Variants in POC1B observed in about 807,000 individuals in gnomAD.
POC1B encodes POC1 centriolar protein B.
POC1B carries 44 observed loss-of-function variants against 60.6 expected under a neutral mutation model. The ratio of observed to expected loss-of-function variants is 0.73; its 90% CI spans 0.57 to 0.93. The LOEUF is 0.93. POC1B is among the 40% of genes least tolerant of loss of function. The pLI, the probability that POC1B is intolerant of heterozygous loss-of-function variation, is 0.00. For synonymous variants in POC1B, 180 were observed against 198.9 expected (o/e 0.90, Z 0.80); for missense variants, 555 against 572.3 (o/e 0.97, Z 0.31).
intron 10 of POC1B, among the ~76,000 whole-genome samples, chr12:89,456,403 G>T (rs1478298285): frequency 6.6e-6 from 1 of 152,110 alleles, no homozygotes; most frequent in Non-Finnish European, 1.5e-5. Context: ...GGGACATCCC[G>T]TGTAGCCACA....
the POC1B span, among the ~76,000 whole-genome samples, chr12:89,403,688 C>T: frequency 4.3e-3 from 659 of 152,230 alleles, 7 homozygotes; most frequent in South Asian, 8.3e-3. Context: ...TACCATTTCC[C>T]GGCCATGAAG....
intron 2 of POC1B, among the ~76,000 whole-genome samples, chr12:89,517,210 T>C (rs183883000): frequency 4.9e-4 from 75 of 152,356 alleles, no homozygotes; most frequent in African/African-American, 1.7e-3. Flanking sequence ...TCTTTGCCTA[T>C]GCTACTCTCC....
chr12:89,449,618 T>C (rs1343798834), intron 10 of POC1B, among the ~76,000 whole-genome samples: 2 of 152,208 alleles, frequency 1.3e-5, no homozygotes, highest in Non-Finnish European at 2.9e-5. Flanking sequence ...TCTAGTGCAA[T>C]GGCAATCGAC....
chr12:89,501,589 A>G, intron 2 of POC1B: 1 of 1,376,104 alleles, frequency 7.3e-7, no homozygotes, highest in African/African-American at 1.5e-5. Context: ...GGAAGAATCT[A>G]AAAAGAAGCG....
Position 89,459,627 on chromosome 12 carries a change from AC to A in POC1B, c.1113+10del, listed in dbSNP as rs770959072. The A allele has an allele frequency of 5.8e-6, 8 of 1,384,898 alleles. No homozygotes were observed. Among genetic ancestry groups the A allele is most frequent in the Admixed American group, 5.0e-5 (2 of 40,182 alleles). The allele number at this position is 1,384,898 out of a possible 1,614,324, so 85.8% of individuals were successfully genotyped here. On this transcript the variant is annotated intron_variant, in intron 10 of 11. Coordinates refer to ENST00000313546, the MANE Select transcript of POC1B (RefSeq NM_172240.3). ...TTAAGTGTCAAAAAAAAAAAAAAAA[AC>A]CCGACTTACTGTGGTAGAATCAAAA...
intron 10 of POC1B, among the ~76,000 whole-genome samples, chr12:89,449,610 T>C (rs1279786572): frequency 6.6e-6 from 1 of 152,218 alleles, no homozygotes; most frequent in African/African-American, 2.4e-5. Flanking sequence ...TTTATAAATC[T>C]AGTGCAATGG....
chr12:89,448,623 T>C (rs1881893703), intron 10 of POC1B, among the ~76,000 whole-genome samples: 1 of 152,218 alleles, frequency 6.6e-6, no homozygotes, highest in African/African-American at 2.4e-5. Context: ...TACATCATTA[T>C]GAAAGAGAGT....
At chr12:89,436,241 G>A (rs1485952943) in intron 10 of POC1B, among the ~76,000 whole-genome samples, 3 of 151,546 alleles carry the variant, frequency 2.0e-5, no homozygotes, top group Non-Finnish European at 4.4e-5. Context: ...ACAAGACACC[G>A]TGCACGACCG....
chr12:89,426,678 G>A (rs1225014973), intron 10 of POC1B: 1 of 152,036 alleles, frequency 6.6e-6, no homozygotes, highest in African/African-American at 2.4e-5. Context: ...ACAAAAATTA[G>A]CCAGGTGTGG....
At chr12:89,455,343 G>T (rs1882210967) in intron 10 of POC1B, among the ~76,000 whole-genome samples, 3 of 151,794 alleles carry the variant, frequency 2.0e-5, no homozygotes, top group African/African-American at 7.3e-5. Context: ...TCTCAAAAAA[G>T]AAAAGAAAAA....
At chr12:89,494,198 C>G (rs1442196683) in intron 3 of POC1B, among the ~76,000 whole-genome samples, 2 of 151,540 alleles carry the variant, frequency 1.3e-5, no homozygotes, top group Non-Finnish European at 3.0e-5. Context: ...CATCACCATG[C>G]CCAGCTAATT....
the POC1B span, among the ~76,000 whole-genome samples, chr12:89,412,192 T>G: frequency 6.6e-6 from 1 of 152,226 alleles, no homozygotes; most frequent in African/African-American, 2.4e-5. Context: ...CCTCCGTATC[T>G]GGCATCGAGC....
chr12:89,434,375 A>G (rs1881163616), intron 10 of POC1B, among the ~76,000 whole-genome samples: 1 of 152,232 alleles, frequency 6.6e-6, no homozygotes, highest in African/African-American at 2.4e-5. Flanking sequence ...TGAGGCTACA[A>G]GTCTACTGTC....
intron 10 of POC1B, among the ~76,000 whole-genome samples, chr12:89,442,627 C>A (rs1592589530): frequency 6.6e-6 from 1 of 152,304 alleles, no homozygotes; most frequent in African/African-American, 2.4e-5. Flanking sequence ...AAAGGAACAA[C>A]CGGTACCAGC....
chr12:89,471,541 A>G (rs1882893683), intron 6 of POC1B, 73 bp downstream of exon 6: 1 of 1,242,106 alleles, frequency 8.1e-7, no homozygotes, highest in Non-Finnish European at 1.2e-6. Flanking sequence ...GCCAAACCAC[A>G]CCAACAAGGA....
intron 2 of POC1B, among the ~76,000 whole-genome samples, chr12:89,510,865 C>A (rs1029149900): frequency 6.7e-6 from 1 of 148,910 alleles, no homozygotes; most frequent in Non-Finnish European, 1.5e-5. Flanking sequence ...TCAAGCAATT[C>A]TCCTGCCTCA....
chr12:89,443,347 T>A (rs1881616577), intron 10 of POC1B, among the ~76,000 whole-genome samples: 1 of 152,166 alleles, frequency 6.6e-6, no homozygotes, highest in East Asian at 1.9e-4. Context: ...GACCATATAG[T>A]TGGAAGTAAA....
At chr12:89,525,543 C>T in intron 1 of POC1B, 1 of 1,293,084 alleles carries the variant, frequency 7.7e-7, no homozygotes, top group Non-Finnish European at 9.8e-7. Flanking sequence ...TGCGCCTCGG[C>T]TTTGGTACTT....
At chr12:89,477,565 T>A (rs997444287) in intron 4 of POC1B, among the ~76,000 whole-genome samples, 1 of 152,094 alleles carries the variant, frequency 6.6e-6, no homozygotes, top group Non-Finnish European at 1.5e-5. Flanking sequence ...GTGTTTTCTT[T>A]CTTAGTAAAT....
Sources: allele counts gnomAD v4.1 joint callset (sites outside exome capture counted in the v4.1 genomes callset), GRCh38; gene constraint gnomAD v4.1.1; transcripts MANE v1.5; gene names NCBI Gene and HGNC (gene_info 2026-07-23, HGNC 2026-07-21).